The following COQ9 variants were observed in gnomAD, a reference collection of about 807,000 sequenced individuals.
COQ9 encodes the protein ubiquinone biosynthesis protein COQ9, mitochondrial.
COQ9 carries 35 observed loss-of-function variants against 42.4 expected under a neutral mutation model. The observed-to-expected ratio is 0.83, with a 90% CI of 0.63 to 1.10. COQ9 has a LOEUF of 1.10. Ranked by LOEUF, COQ9 falls within the 50% of genes least tolerant of loss-of-function variation. The pLI, the probability that COQ9 is intolerant of heterozygous loss-of-function variation, is 0.00. For missense variants in COQ9, 406 were observed against 414.6 expected (o/e 0.98, Z 0.18); for synonymous variants, 155 against 155.1 (o/e 1.00, Z 0.00).
At chr16:57,457,210 G>A in intron 5 of COQ9, 195 bp downstream of exon 5, 1 of 670,042 alleles carries the variant, frequency 1.5e-6, no homozygotes, top group Non-Finnish European at 2.7e-6. Context: ...TGAGCCATCT[G>A]TGTCTCAGTT....
intron 4 of COQ9, 116 bp downstream of exon 4, chr16:57,456,762 A>G: frequency 7.2e-7 from 1 of 1,387,024 alleles, no homozygotes; most frequent in South Asian, 1.2e-5. Context: ...AGCATTGGGC[A>G]GCCCTGCTGC....
At chr16:57,449,185 G>A (rs964563884) in intron 1 of COQ9, among the ~76,000 whole-genome samples, 6 of 152,184 alleles carry the variant, frequency 3.9e-5, no homozygotes, top group Admixed American at 3.3e-4. Context: ...AGTTAACAAA[G>A]TTAGGATTCT....
intron 1 of COQ9, among the ~76,000 whole-genome samples, chr16:57,448,344 C>CTTTTTTTTT (rs56261757): frequency 2.8e-5 from 4 of 141,216 alleles, no homozygotes; most frequent in Admixed American, 7.1e-5. Flanking sequence ...TCTTTTTTTT[C>CTTTTTTTTT]TTTTTTTTTT....
chr16:57,451,195 C>G lies in COQ9; in HGVS notation c.229C>G (p.His77Asp). Residue 77 changes from histidine to aspartate, a missense_variant, in exon 2 of 9, where the codon CAT becomes GAT. His to Asp is a moderately conservative substitution (Grantham distance 81). Transcript: ENST00000262507. ...AGAAAAACCTGATCCAGAGTCTTCT[C>G]ATTCACCCCCCAGGTAGGCACCAAT... Reference protein sequence around the residue: ...GAEKPDPESSHSPPRYTDQGG... With the variant: ...GAEKPDPESSDSPPRYTDQGG... 1 of 1,614,216 alleles carries G rather than the reference C, an allele frequency of 6.2e-7. No homozygotes were observed. The highest frequency in any genetic ancestry group is 8.5e-7 in the Non-Finnish European group (1 of 1,180,038).
At chr16:57,455,342 G>A (rs908753574) in intron 3 of COQ9, among the ~76,000 whole-genome samples, 53 of 135,696 alleles carry the variant, frequency 3.9e-4, no homozygotes, top group African/African-American at 1.5e-3. Flanking sequence ...CTGGACTAGA[G>A]ATACACATTT....
intron 3 of COQ9, chr16:57,453,374 A>C: frequency 2.0e-5 from 5 of 252,642 alleles, no homozygotes; most frequent in South Asian, 4.6e-5. Flanking sequence ...GTGTTTGAAA[A>C]CCCCCAAGAA....
At chr16:57,459,471 T>C in intron 6 of COQ9, 94 bp from the exon 7 acceptor site, 2 of 1,239,496 alleles carry the variant, frequency 1.6e-6, no homozygotes, top group Admixed American at 3.4e-5. Flanking sequence ...AGTCAAGAAG[T>C]AGTCAAGAGG....
At chr16:57,457,489 C>A (rs552910690) in intron 5 of COQ9, 1 of 310,714 alleles carries the variant, frequency 3.2e-6, no homozygotes, top group East Asian at 8.5e-5. Flanking sequence ...CTTCCTTTTT[C>A]CTCTGTTTTA....
chr16:57,456,382 C>A, intron 3 of COQ9, 122 bp from the exon 4 acceptor site: 1 of 1,169,950 alleles, frequency 8.5e-7, no homozygotes. Flanking sequence ...ACCAAAATCA[C>A]ATGGACCCAG....
At chr16:57,455,313 C>G (rs982987621) in intron 3 of COQ9, among the ~76,000 whole-genome samples, 1 of 150,240 alleles carries the variant, frequency 6.7e-6, no homozygotes, top group Non-Finnish European at 1.5e-5. Flanking sequence ...GCATACAGGT[C>G]AGGAACTGGA....
chr16:57,454,004 A>G, intron 3 of COQ9: 1 of 152,172 alleles, frequency 6.6e-6, no homozygotes, highest in East Asian at 1.9e-4. Flanking sequence ...AAATATATAC[A>G]AATGTTTACT....
Position 57,452,937 on chromosome 16 carries a change from G to A in COQ9, c.378+1G>A, listed in dbSNP as rs752983308. 2 of 1,613,390 alleles carry A rather than the reference G, an allele frequency of 1.2e-6. No homozygotes were observed. The highest frequency in any genetic ancestry group is 1.7e-6 in the Non-Finnish European group (2 of 1,179,922). On this transcript the variant is annotated splice_donor_variant, in intron 3 of 8. Transcript: ENST00000262507. LOFTEE classifies it high-confidence loss of function. The stretch of plus-strand genomic sequence containing the variant: ...AGAGGCGATTGCAGAAGGAGCCCAG[G>A]TGTGTATAGGTGAGGGTGGGGCCAC...
chr16:57,457,203 G>A, intron 5 of COQ9, 188 bp downstream of exon 5: 2 of 677,454 alleles, frequency 3.0e-6, no homozygotes, highest in Non-Finnish European at 5.4e-6. Context: ...GAGTGACTGA[G>A]CCATCTGTGT....
Position 57,460,116 on chromosome 16 carries a change from C to T in COQ9, c.921+12C>T, listed in dbSNP as rs1294272250. 11 of 1,613,430 alleles carry T rather than the reference C, an allele frequency of 6.8e-6. No individual in the cohort carries two copies. Among genetic ancestry groups the T allele is most frequent in the African/African-American group, 2.7e-5 (2 of 74,878 alleles). ...GTGCAGCAGTGACGGTGAGTACTGC[C>T]CAGCACATCCCTGCCCCTCCTCTCT... On this transcript the variant is annotated intron_variant, in intron 8 of 8. Transcript: ENST00000262507.
At chr16:57,452,644 A>G (rs757678187) in intron 2 of COQ9, among the ~76,000 whole-genome samples, 157 bp from the exon 3 acceptor site, 7 of 152,186 alleles carry the variant, frequency 4.6e-5, no homozygotes, top group Non-Finnish European at 7.3e-5. Context: ...TCTGTCTCAA[A>G]AACAAAAAAC....
intron 7 of COQ9, 117 bp from the exon 8 acceptor site, chr16:57,459,934 A>G (rs2030492778): frequency 9.5e-7 from 1 of 1,048,634 alleles, no homozygotes; most frequent in Admixed American, 1.9e-5. Context: ...TCCTTCCAGT[A>G]ACGTGGCCCC....
intron 1 of COQ9, among the ~76,000 whole-genome samples, chr16:57,448,861 C>CA (rs1170281161): frequency 2.0e-5 from 3 of 151,804 alleles, no homozygotes; most frequent in African/African-American, 7.3e-5. Flanking sequence ...TCATAGTAGC[C>CA]AAACACAGAA....
At position 57,460,810 on chromosome 16, in the gene COQ9, T is replaced by C. The variant is rs1298636717; in HGVS notation, c.*186T>C. On this transcript the variant is annotated 3_prime_UTR_variant, in exon 9 of 9. Transcript: ENST00000262507. Reference sequence around the variant, plus strand: ...TGATGCTACCGTTCTGGTCAGGGATTGGGCTGCTTCTTCAGTTCCTAATAC... The same window carrying C: ...TGATGCTACCGTTCTGGTCAGGGATCGGGCTGCTTCTTCAGTTCCTAATAC... 2 of 624,244 alleles carry C rather than the reference T, an allele frequency of 3.2e-6. No individual in the cohort carries two copies. Among genetic ancestry groups the C allele is most frequent in the Non-Finnish European group, 5.8e-6 (2 of 344,104 alleles). 38.7% of individuals were successfully genotyped at this position (624,244 alleles called of 1,614,324 possible).
In COQ9 at chr16:57,461,080, C is replaced by A. The variant is rs223869; in HGVS notation, c.*456C>A. ...CGTGTGCACACAGAGGTGTTCCTTG[C>A]AGCCCCCTCCCTCTCAGGTGTCCTG... On this transcript the variant is annotated 3_prime_UTR_variant, in exon 9 of 9. Coordinates refer to ENST00000262507, the MANE Select transcript of COQ9 (RefSeq NM_020312.4). The A allele has an allele frequency of 0.092, 40,977 of 445,216 alleles. 2,825 individuals carry two copies. The highest frequency in any genetic ancestry group is 0.25 in the African/African-American group (12,484 of 49,756). The allele number at this position is 445,216 out of a possible 1,614,324, so 27.6% of individuals were successfully genotyped here. A position where few individuals can be genotyped will look rare whatever the true frequency, so the allele number is the denominator to read the frequency against.
Sources: gnomAD v4.1 joint callset for allele counts (sites outside exome capture counted in the v4.1 genomes callset) on GRCh38, gnomAD v4.1.1 for gene constraint, MANE v1.5 for transcripts, NCBI Gene and HGNC (gene_info 2026-07-23, HGNC 2026-07-21) for gene names.